Variants in ARHGAP15 observed in about 807,000 individuals in gnomAD.
The protein encoded by ARHGAP15 is Rho GTPase activating protein 15, also known as rho GTPase-activating protein 15.
ARHGAP15 carries 51 observed loss-of-function variants against 63.7 expected under a neutral mutation model. The ratio of observed to expected loss-of-function variants is 0.80; its 90% CI spans 0.64 to 1.01. ARHGAP15 has a LOEUF of 1.01. Ranked by LOEUF, ARHGAP15 falls within the 50% of genes least tolerant of loss-of-function variation. The pLI, the probability that ARHGAP15 is intolerant of heterozygous loss-of-function variation, is 0.00. For synonymous variants in ARHGAP15, 191 were observed against 193.8 expected, an observed-to-expected ratio of 0.99 and a Z score of 0.12; for missense variants, 560 against 564.6, an observed-to-expected ratio of 0.99 and a Z score of 0.08.
Position 143,767,973 on chromosome 2 carries a change from T to TTC in ARHGAP15, c.1245-7_1245-6dup. ...CAAACTCCAGTGAAATTATTTTTTT[T>TTC]TCTCTCTCTCCACAGGATAGTGGCC... is the stretch of plus-strand genomic sequence containing the variant. On this transcript the variant is annotated splice_polypyrimidine_tract_variant and intron_variant, in intron 13 of 13. Coordinates refer to ENST00000295095, the MANE Select transcript of ARHGAP15 (RefSeq NM_018460.4). The TTC allele has an allele frequency of 3.7e-6, 6 of 1,601,368 alleles. No homozygotes were observed. The highest frequency in any genetic ancestry group is 4.3e-6 in the Non-Finnish European group (5 of 1,174,220).
chr2:143,370,130 T>C (rs924700083), intron 6 of ARHGAP15, among the ~76,000 whole-genome samples: 7 of 152,164 alleles, frequency 4.6e-5, no homozygotes, highest in African/African-American at 1.7e-4. Context: ...GTAAGAACCC[T>C]AAGGAATGAT....
At chr2:143,559,694 G>A (rs74560231) in intron 11 of ARHGAP15, among the ~76,000 whole-genome samples, 3,630 of 152,296 alleles carry the variant, frequency 0.024, 73 homozygotes, top group Non-Finnish European at 0.037. Flanking sequence ...TAATAGTAGA[G>A]CTGACTTGAA....
chr2:143,625,222 C>T (rs941753312), intron 12 of ARHGAP15, among the ~76,000 whole-genome samples: 1 of 151,858 alleles, frequency 6.6e-6, no homozygotes, highest in Non-Finnish European at 1.5e-5. Context: ...AAAAAAAAAA[C>T]TGCTGTATTC....
chr2:143,290,654 A>C (rs1245588712), intron 6 of ARHGAP15, among the ~76,000 whole-genome samples: 1 of 152,120 alleles, frequency 6.6e-6, no homozygotes. Context: ...ATGCACTTTC[A>C]AGTTGCAACC....
At chr2:143,324,560 T>A (rs1240372287) in intron 6 of ARHGAP15, among the ~76,000 whole-genome samples, 2 of 152,204 alleles carry the variant, frequency 1.3e-5, no homozygotes, top group Non-Finnish European at 2.9e-5. Context: ...ATTTAAGCAT[T>A]CACTAGTACT....
intron 10 of ARHGAP15, among the ~76,000 whole-genome samples, chr2:143,523,686 T>A (rs548154012): frequency 1.3e-5 from 2 of 152,294 alleles, no homozygotes; most frequent in South Asian, 4.1e-4. Flanking sequence ...AACATTAATT[T>A]TTTTAAGTTT....
chr2:143,171,230 C>G (rs1325098675), intron 2 of ARHGAP15, among the ~76,000 whole-genome samples: 1 of 152,122 alleles, frequency 6.6e-6, no homozygotes, highest in Non-Finnish European at 1.5e-5. Flanking sequence ...AAATTGGCAG[C>G]TTATCTTTTC....
chr2:143,322,608 T>C (rs773322255), intron 6 of ARHGAP15, among the ~76,000 whole-genome samples: 3 of 152,230 alleles, frequency 2.0e-5, no homozygotes, highest in Non-Finnish European at 4.4e-5. Context: ...TTTTGAGGCT[T>C]AAATAAGTTT....
At chr2:143,450,011 TCTTA>T (rs1690332995) in intron 8 of ARHGAP15, among the ~76,000 whole-genome samples, 1 of 151,828 alleles carries the variant, frequency 6.6e-6, no homozygotes, top group Admixed American at 6.6e-5. Flanking sequence ...TATTTACCTT[TCTTA>T]CTTTAAGACA....
At chr2:143,663,027 A>C (rs1262095825) in intron 12 of ARHGAP15, among the ~76,000 whole-genome samples, 4 of 129,818 alleles carry the variant, frequency 3.1e-5, no homozygotes, top group Non-Finnish European at 6.6e-5. Flanking sequence ...CCAATCTAGC[A>C]AGGCAGGCCA....
intron 11 of ARHGAP15, among the ~76,000 whole-genome samples, chr2:143,574,120 G>A (rs1252511362): frequency 6.6e-6 from 1 of 152,102 alleles, no homozygotes; most frequent in Non-Finnish European, 1.5e-5. Context: ...AAGAGAAGGG[G>A]CAAAGAACAT....
chr2:143,271,638 G>A (rs920865593), intron 6 of ARHGAP15, among the ~76,000 whole-genome samples: 1 of 152,192 alleles, frequency 6.6e-6, no homozygotes, highest in African/African-American at 2.4e-5. Context: ...ACCTCGCCCG[G>A]CTAATTTTTT....
intron 2 of ARHGAP15, chr2:143,172,183 C>T (rs980523298): frequency 6.6e-6 from 1 of 152,096 alleles, no homozygotes; most frequent in East Asian, 1.9e-4. Flanking sequence ...CAAATGTTCA[C>T]GTTTAGCTTC....
chr2:143,708,423 C>A (rs1684427346), intron 13 of ARHGAP15, among the ~76,000 whole-genome samples: 1 of 152,132 alleles, frequency 6.6e-6, no homozygotes, highest in African/African-American at 2.4e-5. Context: ...CCAGAAAAGT[C>A]TTTATCCCAT....
chr2:143,446,276 TTA>T (rs1333484662), intron 8 of ARHGAP15, among the ~76,000 whole-genome samples: 5 of 151,768 alleles, frequency 3.3e-5, no homozygotes. Context: ...AGATTATATA[TTA>T]TGTTATAAAA....
At chr2:143,313,642 A>G (rs1014069916) in intron 6 of ARHGAP15, among the ~76,000 whole-genome samples, 4 of 152,216 alleles carry the variant, frequency 2.6e-5, no homozygotes, top group African/African-American at 4.8e-5. Flanking sequence ...GATGTTTGTA[A>G]CATAACGACA....
chr2:143,578,119 T>C (rs1696745054), intron 11 of ARHGAP15, among the ~76,000 whole-genome samples: 1 of 152,120 alleles, frequency 6.6e-6, no homozygotes, highest in East Asian at 1.9e-4. Context: ...AATTGATTGG[T>C]TCAGGAAAGG....
intron 12 of ARHGAP15, among the ~76,000 whole-genome samples, chr2:143,694,004 A>G (rs1054498993): frequency 3.9e-5 from 6 of 152,222 alleles, no homozygotes; most frequent in Non-Finnish European, 8.8e-5. Context: ...AGAGAGAATA[A>G]TTATTTTTTT....
At chr2:143,486,263 T>C (rs935473808) in intron 8 of ARHGAP15, among the ~76,000 whole-genome samples, 1 of 152,088 alleles carries the variant, frequency 6.6e-6, no homozygotes, top group East Asian at 1.9e-4. Flanking sequence ...CAAATTACTA[T>C]CAGTAATTAA....
Sources: gnomAD v4.1 joint callset for allele counts (sites outside exome capture counted in the v4.1 genomes callset) on GRCh38, gnomAD v4.1.1 for gene constraint, MANE v1.5 for transcripts, NCBI Gene and HGNC (gene_info 2026-07-23, HGNC 2026-07-21) for gene names.